Variants in AGBL1 observed in about 807,000 individuals in gnomAD.
The protein encoded by AGBL1 is AGBL carboxypeptidase 1.
Under a neutral mutation model 118.9 loss-of-function variants are expected in AGBL1, and 130 were observed. That is an observed-to-expected ratio of 1.09 (90% CI 0.95 to 1.26). The LOEUF (loss-of-function observed/expected upper bound fraction) is 1.26. Among genes scored for constraint, AGBL1 ranks in the 50% most tolerant of loss-of-function variants. The pLI is 0.00. For synonymous variants in AGBL1, 555 were observed against 478.9 expected (o/e 1.16, Z -2.08); for missense variants, 1,584 against 1,298.1 (o/e 1.22, Z -3.38).
At chr15:86,133,466 G>A (rs753683123) in intron 1 of AGBL1, among the ~76,000 whole-genome samples, 3 of 152,096 alleles carry the variant, frequency 2.0e-5, no homozygotes. Context: ...TTATATCTGG[G>A]TGACTCTGCA....
At chr15:86,377,013 A>T (rs2081050761) in intron 17 of AGBL1, among the ~76,000 whole-genome samples, 1 of 152,162 alleles carries the variant, frequency 6.6e-6, no homozygotes, top group Non-Finnish European at 1.5e-5. Flanking sequence ...TTATGATCCT[A>T]TCTATATGGG....
chr15:86,743,873 C>T (rs547632962), intron 22 of AGBL1, among the ~76,000 whole-genome samples: 20 of 151,928 alleles, frequency 1.3e-4, no homozygotes, highest in Admixed American at 1.1e-3. Flanking sequence ...CCCCATCCCC[C>T]GCAACACACA....
intron 18 of AGBL1, among the ~76,000 whole-genome samples, chr15:86,510,458 T>C (rs2083040796): frequency 6.6e-6 from 1 of 152,010 alleles, no homozygotes; most frequent in South Asian, 2.1e-4. Context: ...AAATATGGGG[T>C]CTTATGATTC....
intron 22 of AGBL1, among the ~76,000 whole-genome samples, chr15:86,880,540 G>C (rs1195380977): frequency 2.6e-5 from 4 of 152,106 alleles, no homozygotes; most frequent in Non-Finnish European, 5.9e-5. Flanking sequence ...TGAGCTTGGG[G>C]TTTTTCCTGT....
chr15:86,160,284 C>G (rs1317238546), intron 5 of AGBL1, among the ~76,000 whole-genome samples: 2 of 151,524 alleles, frequency 1.3e-5, no homozygotes, highest in Admixed American at 1.3e-4. Context: ...ACTCAGGGAC[C>G]AAAAAAATTT....
intron 21 of AGBL1, among the ~76,000 whole-genome samples, chr15:86,588,174 C>T (rs2084280852): frequency 1.3e-5 from 2 of 152,048 alleles, no homozygotes; most frequent in Admixed American, 1.3e-4. Context: ...TGCATTATAC[C>T]TTCGTTAATA....
At chr15:86,465,483 G>A (rs1356045947) in intron 18 of AGBL1, among the ~76,000 whole-genome samples, 3 of 152,202 alleles carry the variant, frequency 2.0e-5, no homozygotes, top group Non-Finnish European at 4.4e-5. Context: ...ACTGCCTGCG[G>A]GGCCGGGAAG....
At chr15:86,450,986 A>G (rs543066634) in intron 18 of AGBL1, among the ~76,000 whole-genome samples, 2 of 152,114 alleles carry the variant, frequency 1.3e-5, no homozygotes, top group Non-Finnish European at 2.9e-5. Flanking sequence ...AGCTAATTAT[A>G]TCTTCTAGGA....
chr15:86,801,729 C>A (rs950030954), intron 22 of AGBL1, among the ~76,000 whole-genome samples: 1 of 152,114 alleles, frequency 6.6e-6, no homozygotes, highest in Admixed American at 6.6e-5. Context: ...GATTTAGATG[C>A]TACCAGTACA....
chr15:86,956,736 G>T (rs1040068150), intron 23 of AGBL1, among the ~76,000 whole-genome samples: 13 of 152,094 alleles, frequency 8.5e-5, no homozygotes, highest in Admixed American at 7.9e-4. Flanking sequence ...TAACCAAGTT[G>T]ACACATAAAA....
intron 18 of AGBL1, among the ~76,000 whole-genome samples, chr15:86,406,621 T>C (rs182944743): frequency 6.6e-6 from 1 of 152,312 alleles, no homozygotes; most frequent in African/African-American, 2.4e-5. Context: ...TCTTCCTGAA[T>C]CAAGCTGCCC....
chr15:86,647,557 C>T (rs572927491), intron 21 of AGBL1, among the ~76,000 whole-genome samples: 1 of 152,004 alleles, frequency 6.6e-6, no homozygotes, highest in Non-Finnish European at 1.5e-5. Flanking sequence ...AAAAATTAGC[C>T]AAATGTGGTG....
chr15:86,276,306 T>A lies in AGBL1; in HGVS notation c.2076-3333T>A, dbSNP rs192819531. Among the ~76,000 whole-genome samples, 4 of 152,320 alleles carry A rather than the reference T, an allele frequency of 2.6e-5. No homozygotes were observed. In the East Asian group the frequency reaches 5.8e-4, roughly 22 times the overall value. ...AGAAGCAGATGATATAATAAAAAAA[T>A]TTTAGTTTCTGAGCTAAGCCTACAA... On this transcript the variant is annotated intron_variant, in intron 15 of 22. Coordinates refer to ENST00000614907, the MANE Select transcript of AGBL1 (RefSeq NM_001386094.1).
intron 6 of AGBL1, among the ~76,000 whole-genome samples, chr15:86,228,572 A>G (rs1314055538): frequency 1.3e-5 from 2 of 152,198 alleles, no homozygotes; most frequent in South Asian, 2.1e-4. Flanking sequence ...CTGAGGCCCT[A>G]TCAAGTAGTG....
intron 22 of AGBL1, among the ~76,000 whole-genome samples, chr15:86,779,488 A>G (rs770437355): frequency 1.3e-5 from 2 of 152,118 alleles, no homozygotes; most frequent in African/African-American, 4.8e-5. Context: ...CTAGTGGGGG[A>G]CCATTATAAA....
intron 22 of AGBL1, among the ~76,000 whole-genome samples, chr15:86,802,994 C>T (rs977372801): frequency 6.6e-6 from 1 of 152,128 alleles, no homozygotes; most frequent in East Asian, 1.9e-4. Context: ...TTAACCATTA[C>T]TCCAAAAATC....
At chr15:86,567,485 A>G (rs1215680308) in intron 21 of AGBL1, among the ~76,000 whole-genome samples, 1 of 152,242 alleles carries the variant, frequency 6.6e-6, no homozygotes, top group East Asian at 1.9e-4. Flanking sequence ...GAGAAGAGAA[A>G]GAAAGGCATG....
chr15:86,358,480 C>T (rs1319977245), intron 17 of AGBL1, among the ~76,000 whole-genome samples: 1 of 151,990 alleles, frequency 6.6e-6, no homozygotes, highest in Non-Finnish European at 1.5e-5. Context: ...AATTATCTTG[C>T]AATAAACATG....
chr15:86,518,482 G>A (rs542828889), intron 18 of AGBL1, among the ~76,000 whole-genome samples: 13 of 152,074 alleles, frequency 8.5e-5, no homozygotes, highest in Middle Eastern at 3.4e-3. Context: ...TTGACTCTTC[G>A]ATAATTTCAG....
Sources: gnomAD v4.1 joint callset for allele counts (sites outside exome capture counted in the v4.1 genomes callset) on GRCh38, gnomAD v4.1.1 for gene constraint, MANE v1.5 for transcripts, NCBI Gene and HGNC (gene_info 2026-07-23, HGNC 2026-07-21) for gene names.